The following SRGAP3 variants were observed in gnomAD, a reference collection of about 807,000 sequenced individuals.
SRGAP3 encodes the protein SLIT-ROBO Rho GTPase activating protein 3.
SRGAP3 carries 39 observed loss-of-function variants against 121.1 expected under a neutral mutation model. The ratio of observed to expected loss-of-function variants is 0.32; its 90% CI spans 0.25 to 0.42. The LOEUF is 0.42. Among genes scored for constraint, SRGAP3 ranks in the 10% least tolerant of loss-of-function variants. SRGAP3 has a pLI of 1.00. For missense variants in SRGAP3, 1,213 were observed against 1,470.6 expected (o/e 0.82, Z 2.86); for synonymous variants, 601 against 570.0 (o/e 1.05, Z -0.77).
At chr3:9,076,969 T>C (rs1947000935) in intron 4 of SRGAP3, among the ~76,000 whole-genome samples, 2 of 152,134 alleles carry the variant, frequency 1.3e-5, no homozygotes, top group South Asian at 4.2e-4. Flanking sequence ...TTTATATTAT[T>C]ATTATTATTA....
At chr3:9,202,750 G>C (rs529726815) in intron 1 of SRGAP3, among the ~76,000 whole-genome samples, 1 of 152,256 alleles carries the variant, frequency 6.6e-6, no homozygotes, top group South Asian at 2.1e-4. Flanking sequence ...CGCAGCTGAG[G>C]CTTCTAGTGT....
intron 3 of SRGAP3, among the ~76,000 whole-genome samples, chr3:9,288,130 G>GTTTTTTTTTTTTTTTTTT (rs57076828): frequency 8.4e-6 from 1 of 119,100 alleles, no homozygotes; most frequent in African/African-American, 3.2e-5. Context: ...TTCTATCTTT[G>GTTTTTTTTTTTTTTTTTT]TTTTTTTTTT....
chr3:9,207,737 A>T (rs1952312360), intron 1 of SRGAP3, among the ~76,000 whole-genome samples: 1 of 152,048 alleles, frequency 6.6e-6, no homozygotes, highest in Non-Finnish European at 1.5e-5. Flanking sequence ...TGGGAAGGGG[A>T]TGTGATCTTG....
At chr3:9,254,491 G>T (rs1245932336), upstream of SRGAP3, among the ~76,000 whole-genome samples, 1 of 152,162 alleles carries the variant, frequency 6.6e-6, no homozygotes. Flanking sequence ...AAGTTTCTTT[G>T]GTGATCATTA....
chr3:8,991,114 C>T (rs1049411680), intron 20 of SRGAP3, among the ~76,000 whole-genome samples: 2 of 152,206 alleles, frequency 1.3e-5, no homozygotes, highest in Non-Finnish European at 2.9e-5. Flanking sequence ...CAAAATGCAT[C>T]TGGTCTACAT....
At chr3:9,360,095 A>C (rs2030713548) in intron 1 of SRGAP3, among the ~76,000 whole-genome samples, 1 of 152,104 alleles carries the variant, frequency 6.6e-6, no homozygotes, top group Non-Finnish European at 1.5e-5. Context: ...ACACCCAGCT[A>C]CTTTCTAAAT....
intron 3 of SRGAP3, among the ~76,000 whole-genome samples, chr3:9,268,343 C>CT (rs1393255182): frequency 6.6e-6 from 1 of 150,812 alleles, no homozygotes; most frequent in African/African-American, 2.4e-5. Flanking sequence ...TCTCTTCCCC[C>CT]CTCTCTCTTC....
rs112266534 is a variant in SRGAP3 at position 8,992,369 on chromosome 3, G to A, written c.2558+537C>T. 5.4e-3 allele frequency among the ~76,000 whole-genome samples: 826 copies of A among 152,234 alleles called. 6 individuals are homozygous for A. The highest frequency in any genetic ancestry group is 0.018 in the African/African-American group (763 of 41,540). ...GAAGGACATGCACAGCTCCTTGCCT[G>A]GTAGAAAGGTTATGTGACACAGCCT... On this transcript the variant is annotated intron_variant, in intron 20 of 21. Transcript: ENST00000383836.
chr3:9,273,761 T>A (rs974800716), intron 3 of SRGAP3, among the ~76,000 whole-genome samples: 1 of 152,016 alleles, frequency 6.6e-6, no homozygotes, highest in Admixed American at 6.6e-5. Flanking sequence ...TTAATTTTTG[T>A]ATATAGTGTA....
chr3:9,165,474 C>T (rs945490480), intron 1 of SRGAP3, among the ~76,000 whole-genome samples: 1 of 152,190 alleles, frequency 6.6e-6, no homozygotes, highest in African/African-American at 2.4e-5. Flanking sequence ...TCAGACTTTC[C>T]GATTCCTTTC....
At chr3:9,119,016 G>C (rs1948906169) in intron 2 of SRGAP3, among the ~76,000 whole-genome samples, 1 of 152,104 alleles carries the variant, frequency 6.6e-6, no homozygotes, top group African/African-American at 2.4e-5. Flanking sequence ...TAACAACCAG[G>C]TGCCAGCCCT....
rs142028522 is a variant in SRGAP3, at chr3:9,278,435, G to C, written n.442+47575C>G. 5.5e-3 allele frequency among the ~76,000 whole-genome samples: 840 copies of C among 152,332 alleles called. 8 individuals are homozygous for C. The highest frequency in any genetic ancestry group is 1.0e-2 in the Non-Finnish European group (679 of 68,040). ...GTCCCACTTGCCACTCACCAGCCAA[G>C]TGTGCATGTGACCAACTCTCAATGC... On this transcript the variant is annotated intron_variant and non_coding_transcript_variant, in intron 3 of 3. Coordinates refer to the SRGAP3 transcript ENST00000490889.
chr3:9,147,760 G>A (rs867398412), intron 1 of SRGAP3, among the ~76,000 whole-genome samples: 3 of 152,152 alleles, frequency 2.0e-5, no homozygotes, highest in African/African-American at 4.8e-5. Flanking sequence ...CCACACAGCC[G>A]TCCAGAGTGG....
intron 2 of SRGAP3, among the ~76,000 whole-genome samples, chr3:9,327,883 A>G (rs1955545754): frequency 6.6e-6 from 1 of 152,340 alleles, no homozygotes; most frequent in Middle Eastern, 3.4e-3. Context: ...TTACTTCGGG[A>G]CAGGAATTTA....
At chr3:9,310,918 C>T (rs965771375) in intron 3 of SRGAP3, among the ~76,000 whole-genome samples, 6 of 152,002 alleles carry the variant, frequency 3.9e-5, no homozygotes, top group Non-Finnish European at 7.4e-5. Flanking sequence ...ACCTGTAATC[C>T]CAGCACTTTG....
intron 1 of SRGAP3, among the ~76,000 whole-genome samples, chr3:9,346,848 T>G (rs1461653909): frequency 6.7e-6 from 1 of 150,012 alleles, no homozygotes; most frequent in Non-Finnish European, 1.5e-5. Flanking sequence ...CTCTGCCTCC[T>G]GGGTTCAAGC....
intron 9 of SRGAP3, chr3:9,049,136 A>G: frequency 3.6e-6 from 1 of 277,558 alleles, no homozygotes. Flanking sequence ...GACACCCCCA[A>G]GTCAACTATA....
At chr3:8,986,083 T>C in intron 21 of SRGAP3, 151 bp from the exon 22 acceptor site, 3 of 1,479,172 alleles carry the variant, frequency 2.0e-6, no homozygotes, top group Non-Finnish European at 2.7e-6. Flanking sequence ...TATAACCACA[T>C]GGGAGAACCA....
At chr3:9,305,889 T>C (rs1955152785) in intron 3 of SRGAP3, among the ~76,000 whole-genome samples, 1 of 152,244 alleles carries the variant, frequency 6.6e-6, no homozygotes, top group South Asian at 2.1e-4. Flanking sequence ...TGTGTCTTTA[T>C]AGTGGCATGA....
Sources: allele counts gnomAD v4.1 joint callset (sites outside exome capture counted in the v4.1 genomes callset), GRCh38; gene constraint gnomAD v4.1.1; transcripts MANE v1.5; gene names NCBI Gene and HGNC (gene_info 2026-07-23, HGNC 2026-07-21).